The following LONP1 variants were observed in gnomAD, a reference collection of about 807,000 sequenced individuals.
LONP1 encodes lon protease homolog, mitochondrial.
A neutral mutation model predicts 98.5 loss-of-function variants in LONP1; 31 were observed. The ratio of observed to expected loss-of-function variants is 0.31; its 90% CI spans 0.24 to 0.42. The LOEUF (loss-of-function observed/expected upper bound fraction) is 0.42, where lower values mean the gene tolerates loss of function less well. LONP1 is among the 20% of genes least tolerant of loss of function. The pLI is 1.00. For synonymous variants in LONP1, 781 were observed against 594.7 expected (o/e 1.31, Z -4.56); for missense variants, 1,336 against 1,350.6 (o/e 0.99, Z 0.17).
Position 5,707,050 on chromosome 19 carries a change from G to A in LONP1, c.1146+10C>T, listed in dbSNP as rs575617168. 3.4e-5 allele frequency: 55 copies of A among 1,607,734 alleles called. No homozygotes were observed. The South Asian group carries it at 4.5e-4, about 13-fold the overall frequency. ...CCCCAAGAGTGGCTGCGCCTCAGCC[G>A]CGGGCTCACCTCCCGCCCCAGGCGC... is the stretch of plus-strand genomic sequence containing the variant. On this transcript the variant is annotated intron_variant, in intron 7 of 17. Transcript: ENST00000360614.
intron 11 of LONP1, 137 bp from the exon 12 acceptor site, chr19:5,696,508 T>C (rs963042738): frequency 7.5e-7 from 1 of 1,340,600 alleles, no homozygotes; most frequent in African/African-American, 1.4e-5. Context: ...GGCAGCCTGC[T>C]GGGCGTGGCT....
intron 8 of LONP1, among the ~76,000 whole-genome samples, chr19:5,702,252 T>TGGG (rs56009900): frequency 5.8e-5 from 7 of 119,740 alleles, no homozygotes; most frequent in Non-Finnish European, 1.2e-4. Context: ...GGAGGGAGGT[T>TGGG]GGGGGGGGGG....
rs780304959 is a variant in LONP1, at chr19:5,708,351, G to A, written c.923C>T (p.Pro308Leu). 6.4e-7 allele frequency: 1 copy of A among 1,555,834 alleles called. No individual in the cohort carries two copies. The highest frequency in any genetic ancestry group is 8.7e-7 in the Non-Finnish European group (1 of 1,149,468). ...CCGCACAGAGGCCCACCTGTAGAGA[G>A]GGTTCAAGGCAATGATGTCCCGGAT... ...KTIRDIIALN[P>L]LYRESVLQMM... Residue 308 changes from proline to leucine, a missense_variant, in exon 5 of 18, where the codon CCT becomes CTT. By Grantham distance (98) the Pro-to-Leu change is moderately conservative. Coordinates refer to ENST00000360614, the MANE Select transcript of LONP1 (RefSeq NM_004793.4).
rs1213596238 is a variant in LONP1, at chr19:5,707,769, G to A, written c.990C>T (p.Tyr330=). 1 of 1,613,300 alleles carries A rather than the reference G, an allele frequency of 6.2e-7. No homozygotes were observed. The highest frequency in any genetic ancestry group is 1.7e-5 in the Admixed American group (1 of 60,012). Residue 330 remains tyrosine, a synonymous_variant, in exon 6 of 18, where the codon TAC becomes TAT. Coordinates refer to ENST00000360614, the MANE Select transcript of LONP1 (RefSeq NM_004793.4). ...AGQRVVDNPI[Y]LSDMGAALTG... ...TGAGCGCGGCGCCCATGTCGCTCAG[G>A]TAGATGGGGTTGTCCACCACCCGCT... is the stretch of plus-strand genomic sequence containing the variant.
At chr19:5,696,904 G>A (rs752558796) in intron 10 of LONP1, 147 bp from the exon 11 acceptor site, 92 of 613,142 alleles carry the variant, frequency 1.5e-4, no homozygotes, top group East Asian at 3.4e-4. Flanking sequence ...GCTGGCAGCC[G>A]CCGGATGTGT....
rs772860258 is a variant in LONP1 at position 5,696,809 on chromosome 19, AACG to A, written c.1686-55_1686-53del. 1.1e-4 allele frequency: 138 copies of A among 1,280,108 alleles called. No individual in the cohort carries two copies. In the East Asian group the frequency reaches 3.0e-3, roughly 27 times the overall value. The allele number at this position is 1,280,108 out of a possible 1,614,324, so 79.3% of individuals were successfully genotyped here. A position where few individuals can be genotyped will look rare whatever the true frequency, so the allele number is the denominator to read the frequency against. ...TCACTTGGTAGCCTGGCTCGGCCAC[AACG>A]ACACCATGCACCCTCCAGGGCCACA... On this transcript the variant is annotated intron_variant, in intron 10 of 17. Coordinates refer to ENST00000360614, the MANE Select transcript of LONP1 (RefSeq NM_004793.4).
At position 5,707,078 on chromosome 19, in the gene LONP1, C is replaced by T; in HGVS notation, c.1128G>A (p.Gln376=). 1 of 1,612,318 alleles carries T rather than the reference C, an allele frequency of 6.2e-7. No individual in the cohort carries two copies. The highest frequency in any genetic ancestry group is 8.5e-7 in the Non-Finnish European group (1 of 1,179,814). Residue 376 remains glutamine, a synonymous_variant, in exon 7 of 18, where the codon CAG becomes CAA. Transcript: ENST00000360614. ...GGCTCACCTCCCGCCCCAGGCGCTG[C>T]TGCAGCTTGCTCAGTTCAAATTCCT... is the stretch of plus-strand genomic sequence containing the variant. ...LKKEFELSKL[Q]QRLGREVEEK... is the part of the protein sequence containing the mutation.
At chr19:5,695,258 A>G (rs2054905854) in intron 13 of LONP1, among the ~76,000 whole-genome samples, 1 of 152,074 alleles carries the variant, frequency 6.6e-6, no homozygotes, top group Non-Finnish European at 1.5e-5. Flanking sequence ...CACATGAGGA[A>G]GGGGACTGGG....
chr19:5,693,520 CGGGAGCAGGT>C lies in LONP1; in HGVS notation c.2538+22_2538+31del, dbSNP rs749194670. On this transcript the variant is annotated intron_variant, in intron 16 of 17. Transcript: ENST00000360614. ...GGTGGCCAGCAGCCCAGGGACTGGGCGGGAGCAGGTGGGAGCGGATGGCGCGGTCACCTCG... is the reference window on the plus strand; with the variant it reads ...GGTGGCCAGCAGCCCAGGGACTGGGCGGGAGCGGATGGCGCGGTCACCTCG... 86 of 1,612,868 alleles carry C rather than the reference CGGGAGCAGGT, an allele frequency of 5.3e-5. 1 individual carries two copies. The highest frequency in any genetic ancestry group is 1.3e-4 in the South Asian group (12 of 91,028).
At chr19:5,715,333 C>CT (rs554066832) in intron 1 of LONP1, among the ~76,000 whole-genome samples, 5,529 of 138,192 alleles carry the variant, frequency 0.04, 121 homozygotes, top group Middle Eastern at 0.08. Context: ...TGATAACTTC[C>CT]TTTTTTTTTT....
At position 5,694,523 on chromosome 19, in the gene LONP1, G is replaced by T. The variant is rs1470676393; in HGVS notation, c.2184C>A (p.Val728=). 2 of 1,613,078 alleles carry T rather than the reference G, an allele frequency of 1.2e-6. No homozygotes were observed. Among genetic ancestry groups the T allele is most frequent in the Non-Finnish European group, 1.7e-6 (2 of 1,179,986 alleles). Residue 728 remains valine (V), a synonymous_variant, in exon 15 of 18, where the codon GTC becomes GTA. Transcript: ENST00000360614. ...KVLRKSAYKI[V]SGEAESVEVT... is the part of the protein sequence containing the mutation. ...CCTCCACGGACTCGGCCTCGCCGCTGACAATCTTGTAGGCCGATTTCCGTA... is the reference window on the plus strand; with the variant it reads ...CCTCCACGGACTCGGCCTCGCCGCTTACAATCTTGTAGGCCGATTTCCGTA...
chr19:5,720,244 C>T, upstream of LONP1: 2 of 1,353,046 alleles, frequency 1.5e-6, no homozygotes, highest in Non-Finnish European at 1.9e-6. Flanking sequence ...CTCGAAACAG[C>T]CGCTTCAGGG....
chr19:5,712,451 A>C, intron 3 of LONP1: 1 of 177,526 alleles, frequency 5.6e-6, no homozygotes, highest in Non-Finnish European at 1.2e-5. Flanking sequence ...GCACTTCACA[A>C]AAGCTACCCA....
chr19:5,707,283 T>C (rs2055161858), intron 6 of LONP1, 140 bp from the exon 7 acceptor site: 1 of 681,338 alleles, frequency 1.5e-6, no homozygotes, highest in Admixed American at 2.3e-5. Context: ...GAGGCATGTG[T>C]GCCCTCTGCC....
chr19:5,695,718 C>T (rs1013998278), intron 13 of LONP1, among the ~76,000 whole-genome samples: 4 of 151,420 alleles, frequency 2.6e-5, no homozygotes, highest in Admixed American at 6.5e-5. Flanking sequence ...CCACAGGCCC[C>T]ACTGCTTCCG....
At chr19:5,705,732 G>A (rs928400021) in intron 8 of LONP1, 40 bp downstream of exon 8, 49 of 1,583,236 alleles carry the variant, frequency 3.1e-5, no homozygotes, top group Non-Finnish European at 4.0e-5. Context: ...GCTGAGGAGG[G>A]GTCACCTGAG....
intron 8 of LONP1, among the ~76,000 whole-genome samples, chr19:5,701,222 G>A (rs745848754): frequency 2.4e-4 from 36 of 152,200 alleles, no homozygotes; most frequent in Non-Finnish European, 4.3e-4. Flanking sequence ...GAGGCAGGCG[G>A]ATCACAAGGT....
At position 5,714,592 on chromosome 19, in the gene LONP1, A is replaced by T. The variant is rs2055285488; in HGVS notation, c.430-321T>A. Among the ~76,000 whole-genome samples, 3 of 148,344 alleles carry T rather than the reference A, an allele frequency of 2.0e-5. No individual in the cohort carries two copies. The South Asian group carries it at 6.3e-4, about 31-fold the overall frequency. On this transcript the variant is annotated intron_variant, in intron 1 of 17. Transcript: ENST00000360614. ...AATGCCGGGATTATAGGCGTGAGCC[A>T]CCAAACGCAGCACAGGGTAGCTTTT...
intron 9 of LONP1, among the ~76,000 whole-genome samples, chr19:5,700,223 C>T (rs1271852700): frequency 6.6e-6 from 1 of 152,246 alleles, no homozygotes; most frequent in Non-Finnish European, 1.5e-5. Context: ...AAGCGATTCT[C>T]CTGCCTCAGC....
Sources: gnomAD v4.1 joint callset for allele counts (sites outside exome capture counted in the v4.1 genomes callset) on GRCh38, gnomAD v4.1.1 for gene constraint, MANE v1.5 for transcripts, NCBI Gene and HGNC (gene_info 2026-07-23, HGNC 2026-07-21) for gene names.